The following UBAP2L variants were observed in gnomAD, a reference collection of about 807,000 sequenced individuals.
The protein encoded by UBAP2L is ubiquitin associated protein 2 like, also known as ubiquitin-associated protein 2-like.
A neutral mutation model predicts 130.6 loss-of-function variants in UBAP2L; 12 were observed. That is an observed-to-expected ratio of 0.09 (90% CI 0.06 to 0.15). UBAP2L has a LOEUF of 0.15. Ranked by LOEUF, UBAP2L falls within the 10% of genes least tolerant of loss-of-function variation. The pLI is 1.00. For synonymous variants in UBAP2L, 503 were observed against 524.7 expected (o/e 0.96, Z 0.57); for missense variants, 965 against 1,332.5 (o/e 0.72, Z 4.29).
chr1:154,247,591 C>T (rs1675942862), intron 11 of UBAP2L, among the ~76,000 whole-genome samples: 2 of 152,090 alleles, frequency 1.3e-5, no homozygotes, highest in Admixed American at 6.6e-5. Context: ...CAGCTGGGGA[C>T]AGTGACACGT....
At chr1:154,244,426 A>G (rs1674657010) in intron 10 of UBAP2L, among the ~76,000 whole-genome samples, 1 of 152,082 alleles carries the variant, frequency 6.6e-6, no homozygotes, top group African/African-American at 2.4e-5. Flanking sequence ...CCCAGGCTGG[A>G]GTGCAGTGGC....
intron 25 of UBAP2L, 43 bp downstream of exon 25, chr1:154,266,611 T>A (rs199576865): frequency 2.5e-6 from 4 of 1,592,412 alleles, no homozygotes; most frequent in Middle Eastern, 1.7e-4. Context: ...GAGATAGACA[T>A]AGAGGAGGTG....
downstream of UBAP2L, chr1:154,271,024 ATC>A: frequency 1.5e-6 from 2 of 1,377,274 alleles, no homozygotes; most frequent in Non-Finnish European, 2.0e-6. Flanking sequence ...TGGTAGTAGT[ATC>A]TTGTCCTTGA....
chr1:154,263,286 G>T, intron 24 of UBAP2L: 1 of 1,479,794 alleles, frequency 6.8e-7, no homozygotes, highest in South Asian at 1.4e-5. Flanking sequence ...GAAATGAGTT[G>T]GTGGATACCT....
rs769230932 is a variant in UBAP2L, at chr1:154,270,241, G to A, written c.3210G>A (p.Gln1070=). The part of the protein sequence containing the change: ...GQRSQTSSIP[Q]KPQTNKSAYN... Reference sequence around the variant, plus strand: ...GTAGCCAGACCAGCTCCATCCCGCAGAAGCCCCAGACCAACAAGTCTGCCT... The same window carrying A: ...GTAGCCAGACCAGCTCCATCCCGCAAAAGCCCCAGACCAACAAGTCTGCCT... Residue 1070 remains glutamine (Q), a synonymous_variant, in exon 27 of 27, where the codon CAG becomes CAA. Coordinates refer to ENST00000428931, the MANE Select transcript of UBAP2L (RefSeq NM_014847.4). 9.6e-5 allele frequency: 155 copies of A among 1,613,144 alleles called. No individual in the cohort carries two copies. The highest frequency in any genetic ancestry group is 3.5e-4 in the Admixed American group (21 of 59,902).
At chr1:154,270,132 G>A in intron 26 of UBAP2L, 68 bp from the exon 27 acceptor site, 1 of 1,504,796 alleles carries the variant, frequency 6.6e-7, no homozygotes, top group Non-Finnish European at 8.9e-7. Flanking sequence ...TCCACCTGAA[G>A]ATGTTACAAA....
At position 154,260,963 on chromosome 1, in the gene UBAP2L, C is replaced by G; in HGVS notation, c.2650C>G (p.Gln884Glu). Residue 884 changes from glutamine (Q) to glutamate (E), a missense_variant, in exon 23 of 27, where the codon CAG becomes GAG. This residue lies in a region of UBAP2L where 194 missense variants were observed against 334.0 expected (regional missense o/e 0.58). Transcript: ENST00000428931. ...GGCCACAACCTTGGCCCAACCCCAA[C>G]AGAACCAGACGCAGACTCACCATAC... ...APATTLAQPQ[Q>E]NQTQTHHTTQ... 2 of 1,614,232 alleles carry G rather than the reference C, an allele frequency of 1.2e-6. No homozygotes were observed. The highest frequency in any genetic ancestry group is 1.7e-6 in the Non-Finnish European group (2 of 1,180,050).
At chr1:154,228,027 T>C (rs1668551159) in intron 3 of UBAP2L, among the ~76,000 whole-genome samples, 1 of 152,180 alleles carries the variant, frequency 6.6e-6, no homozygotes, top group Non-Finnish European at 1.5e-5. Flanking sequence ...AATTGCTTTG[T>C]AAATACTTTT....
At chr1:154,247,403 A>C (rs1675885127) in intron 11 of UBAP2L, among the ~76,000 whole-genome samples, 1 of 152,192 alleles carries the variant, frequency 6.6e-6, no homozygotes, top group South Asian at 2.1e-4. Flanking sequence ...AAGAAGAAAG[A>C]AAATAGGACA....
At chr1:154,247,972 TTTA>T (rs909339699) in intron 11 of UBAP2L, among the ~76,000 whole-genome samples, 1 of 150,136 alleles carries the variant, frequency 6.7e-6, no homozygotes, top group African/African-American at 2.4e-5. Context: ...TTATTTATTT[TTTA>T]TTTTTTTTTG....
At chr1:154,226,086 T>G (rs897838977) in intron 2 of UBAP2L, among the ~76,000 whole-genome samples, 1 of 152,228 alleles carries the variant, frequency 6.6e-6, no homozygotes, top group Non-Finnish European at 1.5e-5. Context: ...AGTACTGGGA[T>G]TATAGGCATG....
intron 18 of UBAP2L, among the ~76,000 whole-genome samples, chr1:154,256,618 A>G (rs1296859664): frequency 2.0e-5 from 3 of 152,220 alleles, no homozygotes; most frequent in Non-Finnish European, 4.4e-5. Flanking sequence ...CAGCCTGGGC[A>G]ACAGGATGGG....
intron 14 of UBAP2L, among the ~76,000 whole-genome samples, chr1:154,253,345 A>T (rs934328885): frequency 1.3e-5 from 2 of 150,160 alleles, no homozygotes; most frequent in African/African-American, 4.9e-5. Flanking sequence ...GAGCCAAGGG[A>T]CTTTTCTCTT....
chr1:154,271,072 A>C, downstream of UBAP2L: 1 of 898,184 alleles, frequency 1.1e-6, no homozygotes, highest in Non-Finnish European at 1.6e-6. Flanking sequence ...AGACTTTCAC[A>C]ACCTGGTGAC....
At chr1:154,255,832 A>G (rs1180349121) in intron 18 of UBAP2L, 77 bp downstream of exon 18, 1 of 1,541,370 alleles carries the variant, frequency 6.5e-7, no homozygotes, top group Non-Finnish European at 8.9e-7. Flanking sequence ...CCCAAGAGAG[A>G]ATTATTGAAA....
At chr1:154,241,434 A>G in intron 8 of UBAP2L, 79 bp from the exon 9 acceptor site, 1 of 1,464,662 alleles carries the variant, frequency 6.8e-7, no homozygotes, top group Admixed American at 1.8e-5. Flanking sequence ...CAAAAAAATT[A>G]ATACATTGAT....
intron 12 of UBAP2L, 65 bp downstream of exon 12, chr1:154,249,502 G>C (rs1283169271): frequency 1.3e-6 from 2 of 1,596,506 alleles, no homozygotes; most frequent in African/African-American, 2.7e-5. Flanking sequence ...GAGGCTAGCA[G>C]GGGGAGGGGG....
chr1:154,255,423 G>A, intron 17 of UBAP2L, 97 bp downstream of exon 17: 1 of 1,474,084 alleles, frequency 6.8e-7, no homozygotes, highest in Non-Finnish European at 9.1e-7. Flanking sequence ...GACCACATTA[G>A]CCCTGCTTTT....
At chr1:154,254,601 CCTT>C (rs1225288526) in intron 15 of UBAP2L, 3 of 563,960 alleles carry the variant, frequency 5.3e-6, no homozygotes, top group African/African-American at 3.9e-5. Flanking sequence ...TGTAGGGTTT[CCTT>C]CTTTTGCTTT....
Sources: allele counts gnomAD v4.1 joint callset (sites outside exome capture counted in the v4.1 genomes callset), GRCh38; gene constraint gnomAD v4.1.1; regional missense constraint gnomAD v4.1.1; transcripts MANE v1.5; gene names NCBI Gene and HGNC (gene_info 2026-07-23, HGNC 2026-07-21).